AUTS2: variants seen among roughly 807,000 people sequenced by gnomAD.
AUTS2 encodes activator of transcription and developmental regulator AUTS2, also known as autism susceptibility gene 2 protein.
In AUTS2, 17 loss-of-function variants were observed where a neutral mutation model predicts 112.4. The ratio of observed to expected loss-of-function variants is 0.15; its 90% confidence interval spans 0.10 to 0.23. The LOEUF is 0.23. AUTS2 is among the 10% of genes least tolerant of loss of function. The pLI is 1.00. For synonymous variants in AUTS2, 751 were observed against 702.7 expected, an observed-to-expected ratio of 1.07 and a Z score of -1.09; for missense variants, 1,510 against 1,701.6, an observed-to-expected ratio of 0.89 and a Z score of 1.98.
intron 4 of AUTS2, among the ~76,000 whole-genome samples, chr7:70,424,753 T>G (rs1476765444): frequency 2.0e-5 from 3 of 152,038 alleles, no homozygotes; most frequent in Non-Finnish European, 4.4e-5. Flanking sequence ...TACCTGCTAA[T>G]TTTAAAATTT....
chr7:70,038,237 C>T (rs1420030235), intron 2 of AUTS2, among the ~76,000 whole-genome samples: 1 of 152,062 alleles, frequency 6.6e-6, no homozygotes, highest in Non-Finnish European at 1.5e-5. Flanking sequence ...TTTCAAAGTA[C>T]CTGGGAACTT....
intron 6 of AUTS2, chr7:70,729,259 C>T (rs540406784): frequency 1.1e-5 from 5 of 448,200 alleles, no homozygotes; most frequent in African/African-American, 1.0e-4. Flanking sequence ...CAGTGCTGTT[C>T]CCCACTACTC....
At chr7:70,017,698 C>T (rs1289966941) in intron 2 of AUTS2, among the ~76,000 whole-genome samples, 2 of 152,108 alleles carry the variant, frequency 1.3e-5, no homozygotes, top group Admixed American at 1.3e-4. Context: ...CTCCAGACAT[C>T]ATCAAACTAG....
At chr7:70,256,912 G>A (rs754403963) in intron 4 of AUTS2, among the ~76,000 whole-genome samples, 3 of 152,192 alleles carry the variant, frequency 2.0e-5, no homozygotes, top group Non-Finnish European at 4.4e-5. Flanking sequence ...TCAACTTTCA[G>A]TGTGGTCCCT....
chr7:69,618,538 C>A (rs1793495804), intron 1 of AUTS2, among the ~76,000 whole-genome samples: 1 of 152,044 alleles, frequency 6.6e-6, no homozygotes, highest in Non-Finnish European at 1.5e-5. Context: ...TTTTTTAGCC[C>A]CAGTGAAGTA....
At chr7:69,925,863 C>G (rs1366571021) in intron 2 of AUTS2, among the ~76,000 whole-genome samples, 1 of 152,120 alleles carries the variant, frequency 6.6e-6, no homozygotes, top group Non-Finnish European at 1.5e-5. Flanking sequence ...TTAAGACAGA[C>G]AAACACTTTA....
intron 6 of AUTS2, among the ~76,000 whole-genome samples, chr7:70,745,586 G>C (rs934107672): frequency 2.2e-4 from 33 of 152,150 alleles, no homozygotes; most frequent in African/African-American, 8.0e-4. Context: ...CTCATAAAGA[G>C]TGTTGACTGC....
At chr7:70,785,616 G>A (rs1791398629) in intron 16 of AUTS2, 1 of 435,524 alleles carries the variant, frequency 2.3e-6, no homozygotes, top group East Asian at 6.3e-5. Context: ...CCTCCTTTCT[G>A]TTCTGTTAGA....
chr7:69,687,608 C>T (rs1370905195), intron 1 of AUTS2, among the ~76,000 whole-genome samples: 1 of 152,162 alleles, frequency 6.6e-6, no homozygotes, highest in Non-Finnish European at 1.5e-5. Context: ...AAACACTAGT[C>T]TAATGGATCA....
chr7:70,451,917 G>A (rs556837511), intron 5 of AUTS2, among the ~76,000 whole-genome samples: 1 of 152,260 alleles, frequency 6.6e-6, no homozygotes, highest in East Asian at 1.9e-4. Context: ...GCAGCAGCCA[G>A]GTCGCCGCTC....
chr7:70,360,250 C>G (rs1792199734), intron 4 of AUTS2, among the ~76,000 whole-genome samples: 1 of 152,170 alleles, frequency 6.6e-6, no homozygotes, highest in African/African-American at 2.4e-5. Context: ...ACTTCAGCCT[C>G]CTGAGTAGCT....
chr7:70,633,386 G>A (rs942187655), intron 5 of AUTS2, among the ~76,000 whole-genome samples: 15 of 152,128 alleles, frequency 9.9e-5, no homozygotes, highest in African/African-American at 3.6e-4. Context: ...GGGAAGCCGA[G>A]GTAGGTGGTG....
At chr7:70,748,707 G>A (rs1788618244) in intron 6 of AUTS2, among the ~76,000 whole-genome samples, 1 of 152,200 alleles carries the variant, frequency 6.6e-6, no homozygotes, top group Admixed American at 6.5e-5. Flanking sequence ...GACTCTCAGA[G>A]GCCCTGTAGC....
chr7:70,498,823 T>G (rs903698198), intron 5 of AUTS2, among the ~76,000 whole-genome samples: 4 of 152,194 alleles, frequency 2.6e-5, no homozygotes, highest in African/African-American at 4.8e-5. Context: ...AAGGGGAGTA[T>G]TCACACTTCT....
chr7:70,121,766 C>A (rs959160526), intron 3 of AUTS2, among the ~76,000 whole-genome samples: 1 of 152,144 alleles, frequency 6.6e-6, no homozygotes, highest in Non-Finnish European at 1.5e-5. Flanking sequence ...TAGAAAACAG[C>A]TTGGCAGTCC....
intron 2 of AUTS2, among the ~76,000 whole-genome samples, chr7:69,992,934 A>G (rs554355867): frequency 8.5e-5 from 13 of 152,348 alleles, no homozygotes; most frequent in African/African-American, 2.6e-4. Flanking sequence ...GAATCAGGTT[A>G]AAAGACAGTA....
intron 5 of AUTS2, among the ~76,000 whole-genome samples, chr7:70,489,768 C>G (rs543617996): frequency 2.6e-5 from 4 of 152,038 alleles, no homozygotes; most frequent in Admixed American, 6.6e-5. Context: ...TTATGATGAT[C>G]GAATTCTGAC....
intron 6 of AUTS2, among the ~76,000 whole-genome samples, chr7:70,732,733 T>C (rs1787503387): frequency 6.6e-6 from 1 of 152,210 alleles, no homozygotes; most frequent in Admixed American, 6.5e-5. Context: ...ACTCTCTCAA[T>C]TCTAGCAATT....
intron 1 of AUTS2, among the ~76,000 whole-genome samples, chr7:69,852,983 T>C (rs945241351): frequency 6.6e-6 from 1 of 152,204 alleles, no homozygotes; most frequent in African/African-American, 2.4e-5. Context: ...TTTTCTTTCA[T>C]TGTGGTCAGA....
Sources: gnomAD v4.1 joint callset for allele counts (sites outside exome capture counted in the v4.1 genomes callset) on GRCh38, gnomAD v4.1.1 for gene constraint, MANE v1.5 for transcripts, NCBI Gene and HGNC (gene_info 2026-07-23, HGNC 2026-07-21) for gene names.